COL19A1: variants seen among roughly 807,000 people sequenced by gnomAD.
The protein encoded by COL19A1 is collagen type XIX alpha 1 chain.
Under a neutral mutation model 190.2 loss-of-function variants are expected in COL19A1, and 159 were observed. The ratio of observed to expected loss-of-function variants is 0.84; its 90% confidence interval spans 0.73 to 0.95. COL19A1 has a LOEUF of 0.95. COL19A1 is among the 40% of genes least tolerant of loss of function. The probability of loss-of-function intolerance (pLI) is 0.00; values close to 1 mark genes in which losing one functional copy is unlikely to be tolerated. For synonymous variants in COL19A1, 509 were observed against 458.9 expected (o/e 1.11, Z -1.39); for missense variants, 1,418 against 1,431.9 (o/e 0.99, Z 0.16).
chr6:69,954,348 A>G (rs1482297038), intron 9 of COL19A1, among the ~76,000 whole-genome samples: 1 of 151,992 alleles, frequency 6.6e-6, no homozygotes, highest in African/African-American at 2.4e-5. Flanking sequence ...GACCCAGCGT[A>G]TGGTACCTGG....
intron 14 of COL19A1, among the ~76,000 whole-genome samples, chr6:70,056,346 G>A (rs185896596): frequency 7.9e-5 from 12 of 152,270 alleles, no homozygotes; most frequent in Admixed American, 7.8e-4. Context: ...TCTAACACAT[G>A]TTGCTGCTGA....
At chr6:69,996,407 CAG>C (rs887375788) in intron 11 of COL19A1, among the ~76,000 whole-genome samples, 1 of 151,930 alleles carries the variant, frequency 6.6e-6, no homozygotes, top group African/African-American at 2.4e-5. Flanking sequence ...ATTTGACTGC[CAG>C]AGACATAATC....
intron 6 of COL19A1, among the ~76,000 whole-genome samples, chr6:69,929,902 T>C (rs1204310385): frequency 6.6e-6 from 1 of 152,168 alleles, no homozygotes; most frequent in African/African-American, 2.4e-5. Context: ...TTCACTCCAT[T>C]TTATACCCAT....
chr6:70,184,808 A>G (rs745911389), intron 45 of COL19A1, 63 bp from the exon 46 acceptor site: 36 of 1,605,880 alleles, frequency 2.2e-5, no homozygotes, highest in South Asian at 4.4e-5. Flanking sequence ...CAACATTTAC[A>G]TCAATCAGAC....
intron 1 of COL19A1, among the ~76,000 whole-genome samples, chr6:69,868,093 A>G (rs1160367298): frequency 1.3e-5 from 2 of 151,346 alleles, no homozygotes; most frequent in Admixed American, 6.6e-5. Context: ...ACAAACGCAC[A>G]CCAGTATCTA....
chr6:70,058,746 A>C (rs1051317317), intron 14 of COL19A1, among the ~76,000 whole-genome samples: 5 of 151,998 alleles, frequency 3.3e-5, no homozygotes, highest in Non-Finnish European at 7.4e-5. Context: ...TCTCAGAACT[A>C]ATGTAAAAGT....
At chr6:70,076,024 G>C (rs990972801) in intron 15 of COL19A1, among the ~76,000 whole-genome samples, 6 of 152,208 alleles carry the variant, frequency 3.9e-5, no homozygotes, top group Non-Finnish European at 7.3e-5. Context: ...CCCAAGAGCT[G>C]TTCTCTGATG....
chr6:70,032,325 G>A (rs1779120196), intron 12 of COL19A1, among the ~76,000 whole-genome samples: 1 of 152,128 alleles, frequency 6.6e-6, no homozygotes, highest in Admixed American at 6.6e-5. Context: ...ACAGGATGGG[G>A]GCCATGGTCC....
intron 34 of COL19A1, among the ~76,000 whole-genome samples, chr6:70,157,156 G>C (rs898149660): frequency 6.6e-6 from 1 of 152,014 alleles, no homozygotes; most frequent in South Asian, 2.1e-4. Context: ...ACTAAACTCT[G>C]ATTAAACTTC....
At chr6:70,131,624 C>A (rs957369865) in intron 18 of COL19A1, among the ~76,000 whole-genome samples, 13 of 152,088 alleles carry the variant, frequency 8.5e-5, no homozygotes, top group Admixed American at 2.0e-4. Context: ...CCATAACCAA[C>A]GCATTACATT....
chr6:70,039,928 AATT>A (rs987652418), intron 14 of COL19A1, among the ~76,000 whole-genome samples: 1 of 78,128 alleles, frequency 1.3e-5, no homozygotes, highest in African/African-American at 1.1e-4. Context: ...ATGCCCAGCT[AATT>A]TTTTTTTTTT....
chr6:70,110,377 A>G (rs1562182811), intron 16 of COL19A1, among the ~76,000 whole-genome samples: 2 of 152,188 alleles, frequency 1.3e-5, no homozygotes, highest in Non-Finnish European at 2.9e-5. Context: ...TAATATCTTC[A>G]GAGAAAATGA....
At chr6:70,071,855 AG>A (rs1328374783) in intron 15 of COL19A1, among the ~76,000 whole-genome samples, 1 of 152,120 alleles carries the variant, frequency 6.6e-6, no homozygotes, top group African/African-American at 2.4e-5. Flanking sequence ...AGATTCTTGA[AG>A]GGTTCAGCAG....
At chr6:70,031,325 G>A (rs1257442812) in intron 12 of COL19A1, among the ~76,000 whole-genome samples, 4 of 151,782 alleles carry the variant, frequency 2.6e-5, no homozygotes, top group Non-Finnish European at 5.9e-5. Context: ...GGATGTTTAG[G>A]TTGTCCATTT....
chr6:70,125,972 C>A (rs190420265), intron 17 of COL19A1, among the ~76,000 whole-genome samples: 1 of 152,098 alleles, frequency 6.6e-6, no homozygotes, highest in African/African-American at 2.4e-5. Flanking sequence ...AAAAAAAATA[C>A]GTTTTATCTG....
intron 14 of COL19A1, among the ~76,000 whole-genome samples, chr6:70,048,548 T>A (rs1021345427): frequency 6.6e-6 from 1 of 152,114 alleles, no homozygotes; most frequent in African/African-American, 2.4e-5. Context: ...TGATCATTTT[T>A]AAAATGATCG....
chr6:70,101,440 G>T (rs893484061), intron 15 of COL19A1, among the ~76,000 whole-genome samples: 1 of 152,120 alleles, frequency 6.6e-6, no homozygotes, highest in Non-Finnish European at 1.5e-5. Context: ...CTTGCGATTG[G>T]AATTTAGCTA....
intron 2 of COL19A1, among the ~76,000 whole-genome samples, chr6:69,883,617 T>G (rs578216253): frequency 6.6e-6 from 1 of 152,366 alleles, no homozygotes; most frequent in African/African-American, 2.4e-5. Flanking sequence ...AGCAAACTGG[T>G]GTATAAGTAA....
chr6:69,921,992 C>G (rs958449244), intron 4 of COL19A1, among the ~76,000 whole-genome samples: 4 of 152,090 alleles, frequency 2.6e-5, no homozygotes, highest in Admixed American at 1.3e-4. Context: ...TTAGACATAG[C>G]AAGCTGTCAT....
Sources: allele counts gnomAD v4.1 joint callset (sites outside exome capture counted in the v4.1 genomes callset), GRCh38; gene constraint gnomAD v4.1.1; transcripts MANE v1.5; gene names NCBI Gene and HGNC (gene_info 2026-07-23, HGNC 2026-07-21).